GCSAML: variants seen among roughly 807,000 people sequenced by gnomAD.
GCSAML encodes germinal center-associated signaling and motility-like protein.
A neutral mutation model predicts 13.0 loss-of-function variants in GCSAML; 9 were observed. The observed-to-expected ratio is 0.69, with a 90% CI of 0.42 to 1.21. The LOEUF (loss-of-function observed/expected upper bound fraction) is 1.21. Among genes scored for constraint, GCSAML ranks in the 50% most tolerant of loss-of-function variants. The pLI is 0.00. For synonymous variants in GCSAML, 37 were observed against 52.9 expected, an observed-to-expected ratio of 0.70 and a Z score of 1.31; for missense variants, 143 against 153.4, an observed-to-expected ratio of 0.93 and a Z score of 0.36.
chr1:247,532,078 A>T, intron 2 of GCSAML: 1 of 1,614,160 alleles, frequency 6.2e-7, no homozygotes, highest in East Asian at 2.2e-5. Flanking sequence ...GGCCAAAGCT[A>T]GCCCAAGGCA....
chr1:247,509,780 TTTTG>T (rs752843905), intron 1 of GCSAML, among the ~76,000 whole-genome samples: 8 of 152,284 alleles, frequency 5.3e-5, no homozygotes, highest in African/African-American at 7.2e-5. Context: ...TTGTCATTGG[TTTTG>T]TTTATGTGAT....
intron 2 of GCSAML, chr1:247,529,528 TACATGAGTCCAGAA>T (rs1256387424): frequency 6.6e-6 from 1 of 152,204 alleles, no homozygotes; most frequent in Non-Finnish European, 1.5e-5. Flanking sequence ...CGTAACCTGA[TACATGAGTCCAGAA>T]ACCAACAAGA....
At chr1:247,551,329 T>G (rs1667770800) in intron 1 of GCSAML, among the ~76,000 whole-genome samples, 1 of 152,164 alleles carries the variant, frequency 6.6e-6, no homozygotes, top group Non-Finnish European at 1.5e-5. Flanking sequence ...ATGTATGAGT[T>G]TCAAGTGTAT....
intron 2 of GCSAML, chr1:247,536,252 A>G (rs1356920875): frequency 1.3e-5 from 2 of 152,222 alleles, no homozygotes; most frequent in African/African-American, 4.8e-5. Context: ...AAGACTGATA[A>G]CATTCATGAA....
chr1:247,532,746 T>C (rs2103006784), intron 2 of GCSAML: 2 of 521,188 alleles, frequency 3.8e-6, no homozygotes, highest in Non-Finnish European at 6.9e-6. Context: ...TACAGGCACG[T>C]ACTACCATGT....
At chr1:247,542,095 C>T (rs767437218) in intron 2 of GCSAML, among the ~76,000 whole-genome samples, 24 of 151,198 alleles carry the variant, frequency 1.6e-4, no homozygotes, top group Admixed American at 1.1e-3. Context: ...GTTTTCATAC[C>T]GCAACTAATT....
At chr1:247,566,279 G>A (rs1222910846) in intron 4 of GCSAML, among the ~76,000 whole-genome samples, 1 of 152,162 alleles carries the variant, frequency 6.6e-6, no homozygotes, top group Admixed American at 6.5e-5. Flanking sequence ...GTCACACTCT[G>A]TCATCCAGGC....
At position 247,575,036 on chromosome 1, in the gene GCSAML, C is replaced by G. The variant is rs552188173; in HGVS notation, c.*654C>G. 2 of 152,602 alleles carry G rather than the reference C, an allele frequency of 1.3e-5. No homozygotes were observed. The highest frequency in any genetic ancestry group is 3.9e-4 in the East Asian group (2 of 5,186). The allele number at this position is 152,602 out of a possible 1,614,324, so 9.5% of individuals were successfully genotyped here. On this transcript the variant is annotated 3_prime_UTR_variant, in exon 5 of 5. Transcript: ENST00000366488. The stretch of plus-strand genomic sequence containing the variant: ...TGACTTCTTAAGTCTTTAGACAAAG[C>G]TTAACTCTTTCAACCAATTGCCAAT...
chr1:247,531,850 T>G (rs747543947), intron 2 of GCSAML: 1 of 1,614,160 alleles, frequency 6.2e-7, no homozygotes, highest in Non-Finnish European at 8.5e-7. Context: ...CCGGGCAATG[T>G]GGCCGTAAGA....
At chr1:247,538,925 C>T (rs1436588054) in intron 2 of GCSAML, 1 of 321,908 alleles carries the variant, frequency 3.1e-6, no homozygotes, top group Non-Finnish European at 6.2e-6. Flanking sequence ...CTGTTGTACA[C>T]CTGACCTCCT....
chr1:247,555,492 T>G (rs1324609691), intron 1 of GCSAML, among the ~76,000 whole-genome samples: 1 of 152,274 alleles, frequency 6.6e-6, no homozygotes, highest in East Asian at 1.9e-4. Flanking sequence ...AACAAATATA[T>G]TCTTTGCTTA....
chr1:247,572,224 G>A (rs768124089), intron 4 of GCSAML, among the ~76,000 whole-genome samples: 3 of 151,922 alleles, frequency 2.0e-5, no homozygotes, highest in Admixed American at 6.6e-5. Context: ...CTCATTTTCC[G>A]TCCAGTTTTG....
At chr1:247,559,911 C>T (rs1236736793) in intron 2 of GCSAML, among the ~76,000 whole-genome samples, 1 of 152,242 alleles carries the variant, frequency 6.6e-6, no homozygotes, top group East Asian at 1.9e-4. Flanking sequence ...ATTTAATTAC[C>T]TGTGTTAAGA....
intron 1 of GCSAML, among the ~76,000 whole-genome samples, chr1:247,507,520 A>C (rs1665871191): frequency 6.6e-6 from 1 of 152,036 alleles, no homozygotes. Flanking sequence ...ATTTATGTAA[A>C]ATTTTATTTG....
intron 1 of GCSAML, among the ~76,000 whole-genome samples, chr1:247,517,247 G>C (rs1314339174): frequency 2.6e-5 from 4 of 152,324 alleles, no homozygotes; most frequent in Admixed American, 2.0e-4. Context: ...GGGCTCCCCT[G>C]TTCTCTAGGG....
chr1:247,566,234 C>T (rs182014701), intron 4 of GCSAML, among the ~76,000 whole-genome samples: 54 of 152,110 alleles, frequency 3.6e-4, no homozygotes, highest in African/African-American at 1.3e-3. Context: ...CTGCTGAAGT[C>T]TAATTTTATT....
chr1:247,525,414 A>AG (rs397983666), intron 1 of GCSAML: 6 of 151,218 alleles, frequency 4.0e-5, no homozygotes, highest in African/African-American at 1.5e-4. Flanking sequence ...TGACCAGTCA[A>AG]TCAGCTGTAA....
At chr1:247,522,326 G>A (rs1343082533) in intron 1 of GCSAML, among the ~76,000 whole-genome samples, 9 of 126,498 alleles carry the variant, frequency 7.1e-5, no homozygotes, top group Non-Finnish European at 1.0e-4. Flanking sequence ...CCGCCGCCCC[G>A]TCTGGGAGGT....
At chr1:247,542,852 A>G (rs898575101) in intron 2 of GCSAML, among the ~76,000 whole-genome samples, 3 of 152,270 alleles carry the variant, frequency 2.0e-5, no homozygotes, top group Non-Finnish European at 2.9e-5. Flanking sequence ...TAAAATACGT[A>G]GGAAATAAAA....
Sources: gnomAD v4.1 joint callset for allele counts (sites outside exome capture counted in the v4.1 genomes callset) on GRCh38, gnomAD v4.1.1 for gene constraint, MANE v1.5 for transcripts, NCBI Gene and HGNC (gene_info 2026-07-23, HGNC 2026-07-21) for gene names.